FHOD3: variants seen among roughly 807,000 people sequenced by gnomAD.
FHOD3 encodes the protein formin homology 2 domain containing 3, also known as FH1/FH2 domain-containing protein 3.
Under a neutral mutation model 173.0 loss-of-function variants are expected in FHOD3, and 90 were observed. That is an observed-to-expected ratio of 0.52 (90% CI 0.44 to 0.62). The LOEUF (loss-of-function observed/expected upper bound fraction) is 0.62. Among genes scored for constraint, FHOD3 ranks in the 20% least tolerant of loss-of-function variants. The pLI is 0.00. For synonymous variants in FHOD3, 828 were observed against 823.0 expected, an observed-to-expected ratio of 1.01 and a Z score of -0.10; for missense variants, 1,945 against 2,034.7, an observed-to-expected ratio of 0.96 and a Z score of 0.85.
At chr18:36,675,593 C>T (rs535276979) in intron 14 of FHOD3, among the ~76,000 whole-genome samples, 2 of 152,264 alleles carry the variant, frequency 1.3e-5, no homozygotes, top group East Asian at 3.9e-4. Flanking sequence ...GGGGCAGGCA[C>T]CCACCCTGCA....
chr18:36,370,675 G>A (rs750867942), intron 2 of FHOD3, among the ~76,000 whole-genome samples: 1 of 152,106 alleles, frequency 6.6e-6, no homozygotes, highest in East Asian at 1.9e-4. Flanking sequence ...CTCTCTCTGG[G>A]CATCTATAGC....
chr18:36,585,113 C>T (rs552159813), intron 6 of FHOD3, among the ~76,000 whole-genome samples: 24 of 152,194 alleles, frequency 1.6e-4, no homozygotes, highest in East Asian at 1.4e-3. Context: ...ATTATTCATT[C>T]GACTTTTCTC....
chr18:36,732,046 A>G (rs147023528), intron 20 of FHOD3, among the ~76,000 whole-genome samples: 6 of 152,364 alleles, frequency 3.9e-5, no homozygotes, highest in African/African-American at 1.4e-4. Flanking sequence ...CCTTATAAGA[A>G]GAGGGAAGTT....
intron 3 of FHOD3, among the ~76,000 whole-genome samples, chr18:36,382,363 A>T (rs186280663): frequency 6.6e-6 from 1 of 152,204 alleles, no homozygotes; most frequent in African/African-American, 2.4e-5. Flanking sequence ...TTCGAGGCCC[A>T]ATAACGAGAA....
Position 36,751,819 on chromosome 18 carries a change from A to T in FHOD3, c.4233-3300A>T, listed in dbSNP as rs141489886. Among the ~76,000 whole-genome samples the T allele has an allele frequency of 2.4e-4, 37 of 152,164 alleles. No homozygotes were observed. The East Asian group carries it at 6.8e-3, about 28-fold the overall frequency. ...ACTCTCTGGATGTACAGACCCACCCACTCACTCCTGTAGATTCATTAGGCT... is the reference window on the plus strand; with the variant it reads ...ACTCTCTGGATGTACAGACCCACCCTCTCACTCCTGTAGATTCATTAGGCT... On this transcript the variant is annotated intron_variant, in intron 24 of 28. Coordinates refer to ENST00000590592, the MANE Select transcript of FHOD3 (RefSeq NM_001281740.3).
intron 1 of FHOD3, among the ~76,000 whole-genome samples, chr18:36,335,678 C>G (rs1371072604): frequency 6.6e-6 from 1 of 152,130 alleles, no homozygotes; most frequent in Non-Finnish European, 1.5e-5. Flanking sequence ...GTCCAGCATT[C>G]CCCATTGCCC....
intron 7 of FHOD3, among the ~76,000 whole-genome samples, chr18:36,600,981 A>G (rs2148464463): frequency 6.6e-6 from 1 of 152,344 alleles, no homozygotes; most frequent in African/African-American, 2.4e-5. Context: ...TACAAACACA[A>G]ATGGCGGCAT....
At chr18:36,402,164 G>A (rs1448868701) in intron 3 of FHOD3, among the ~76,000 whole-genome samples, 1 of 152,102 alleles carries the variant, frequency 6.6e-6, no homozygotes, top group African/African-American at 2.4e-5. Context: ...GTACTGAGTC[G>A]GCTGGGCGTG....
intron 1 of FHOD3, among the ~76,000 whole-genome samples, chr18:36,330,838 ATGAGTGAGTGAG>A (rs34029107): frequency 4.6e-5 from 7 of 151,098 alleles, no homozygotes; most frequent in Admixed American, 2.6e-4. Context: ...TCTTTTTCTG[ATGAGTGAGTGAG>A]TGAGTGAGTG....
chr18:36,760,256 A>G (rs531293630), intron 26 of FHOD3, among the ~76,000 whole-genome samples: 17 of 152,334 alleles, frequency 1.1e-4, no homozygotes, highest in Middle Eastern at 3.4e-3. Context: ...TTCAATTCTT[A>G]TATCAGGGCT....
intron 3 of FHOD3, among the ~76,000 whole-genome samples, chr18:36,410,203 C>T (rs865917723): frequency 1.3e-5 from 2 of 152,168 alleles, no homozygotes; most frequent in Admixed American, 6.5e-5. Context: ...AACCATGAAT[C>T]CACTTTCTGT....
intron 1 of FHOD3, among the ~76,000 whole-genome samples, chr18:36,349,480 T>A (rs1034567025): frequency 7.9e-5 from 12 of 152,236 alleles, no homozygotes; most frequent in African/African-American, 2.9e-4. Context: ...ACTTTTTTCT[T>A]TTTAAGATCA....
intron 1 of FHOD3, among the ~76,000 whole-genome samples, chr18:36,319,935 C>G (rs2044309365): frequency 6.6e-6 from 1 of 152,076 alleles, no homozygotes; most frequent in South Asian, 2.1e-4. Flanking sequence ...TCTTTGAAAC[C>G]AATGAGGACA....
At chr18:36,453,727 G>A (rs1171718206) in intron 3 of FHOD3, among the ~76,000 whole-genome samples, 1 of 152,184 alleles carries the variant, frequency 6.6e-6, no homozygotes, top group African/African-American at 2.4e-5. Context: ...TGGGAGCAAA[G>A]AAGCTGGCAC....
chr18:36,693,325 C>A lies in FHOD3; in HGVS notation c.2138C>A (p.Ala713Asp). Reference protein sequence around the residue: ...SLDLTSPAAPACLAPLSHSPS... With the variant: ...SLDLTSPAAPDCLAPLSHSPS... ...GACCTGACCTCGCCAGCAGCCCCAG[C>A]CTGCCTGGCTCCTCTGAGCCATAGC... The change falls in exon 17 of 29, where the codon GCC becomes GAC. Residue 713 changes from alanine to aspartate, a missense_variant. Transcript: ENST00000590592. The A allele has an allele frequency of 6.2e-7, 1 of 1,613,896 alleles. No homozygotes were observed. The highest frequency in any genetic ancestry group is 8.5e-7 in the Non-Finnish European group (1 of 1,179,834).
chr18:36,662,555 A>T (rs552019237), intron 14 of FHOD3, among the ~76,000 whole-genome samples: 1 of 152,330 alleles, frequency 6.6e-6, no homozygotes, highest in East Asian at 1.9e-4. Context: ...GAGCCCTTAG[A>T]AGATCTTGGG....
chr18:36,524,738 C>T (rs937772505), intron 5 of FHOD3, among the ~76,000 whole-genome samples: 2 of 152,140 alleles, frequency 1.3e-5, no homozygotes, highest in African/African-American at 2.4e-5. Context: ...GAATAAACAT[C>T]GATCTTTCCC....
At chr18:36,586,524 G>A (rs1326143918) in intron 6 of FHOD3, among the ~76,000 whole-genome samples, 7 of 149,812 alleles carry the variant, frequency 4.7e-5, no homozygotes, top group Non-Finnish European at 8.9e-5. Flanking sequence ...TCACTCTGTC[G>A]CCCAGGCTGG....
intron 1 of FHOD3, among the ~76,000 whole-genome samples, chr18:36,310,981 C>T (rs1023306417): frequency 1.1e-4 from 17 of 151,432 alleles, no homozygotes; most frequent in Admixed American, 1.1e-3. Context: ...TTGTCAATGA[C>T]CACAAACTGA....
Sources: gnomAD v4.1 joint callset for allele counts (sites outside exome capture counted in the v4.1 genomes callset) on GRCh38, gnomAD v4.1.1 for gene constraint, MANE v1.5 for transcripts, NCBI Gene and HGNC (gene_info 2026-07-23, HGNC 2026-07-21) for gene names.